DPP10: variants seen among roughly 807,000 people sequenced by gnomAD.
DPP10 encodes dipeptidyl peptidase like 10, also known as inactive dipeptidyl peptidase 10.
In DPP10, 33 loss-of-function variants were observed where a neutral mutation model predicts 120.9. The observed-to-expected ratio is 0.27, with a 90% CI of 0.21 to 0.37. The LOEUF (loss-of-function observed/expected upper bound fraction) is 0.37. Among genes scored for constraint, DPP10 ranks in the 10% least tolerant of loss-of-function variants. The probability of loss-of-function intolerance (pLI) is 1.00; values close to 1 mark genes in which losing one functional copy is unlikely to be tolerated. For missense variants in DPP10, 816 were observed against 942.8 expected (o/e 0.87, Z 1.76); for synonymous variants, 337 against 326.1 (o/e 1.03, Z -0.36).
At chr2:115,639,846 A>T (rs920338924) in intron 5 of DPP10, among the ~76,000 whole-genome samples, 2 of 152,154 alleles carry the variant, frequency 1.3e-5, no homozygotes, top group African/African-American at 4.8e-5. Context: ...AGAGTGACAG[A>T]TTCATGCTAA....
intron 3 of DPP10, among the ~76,000 whole-genome samples, chr2:115,490,908 G>A (rs1048291715): frequency 8.6e-5 from 13 of 152,020 alleles, no homozygotes; most frequent in African/African-American, 2.4e-4. Context: ...ATTTGAGGTC[G>A]GGAGTTTGAG....
intron 5 of DPP10, among the ~76,000 whole-genome samples, chr2:115,624,288 C>A (rs960860879): frequency 6.6e-6 from 1 of 152,060 alleles, no homozygotes; most frequent in Non-Finnish European, 1.5e-5. Context: ...CTAGGAGTAT[C>A]CTTTTATCTT....
At chr2:114,661,362 C>G (rs1258181672) in intron 1 of DPP10, among the ~76,000 whole-genome samples, 1 of 152,178 alleles carries the variant, frequency 6.6e-6, no homozygotes, top group Non-Finnish European at 1.5e-5. Context: ...AGATGTCATA[C>G]TACATGCATG....
chr2:115,783,340 T>A lies in DPP10; in HGVS notation c.1531+941T>A, dbSNP rs183537686. ...TGAGACAGTCTGACTCGAGAATAGG[T>A]TTATAATTCACTACAATATAATAAC... On this transcript the variant is annotated intron_variant, in intron 17 of 25. Coordinates refer to ENST00000410059, the MANE Select transcript of DPP10 (RefSeq NM_020868.6). Among the ~76,000 whole-genome samples, 13 of 151,866 alleles carry A rather than the reference T, an allele frequency of 8.6e-5. No homozygotes were observed. The East Asian group carries it at 2.5e-3, about 29-fold the overall frequency.
intron 3 of DPP10, among the ~76,000 whole-genome samples, chr2:115,351,183 T>C (rs2106303020): frequency 6.6e-6 from 1 of 152,234 alleles, no homozygotes; most frequent in East Asian, 1.9e-4. Flanking sequence ...TGGAATACTG[T>C]GCAGCCATAA....
chr2:115,831,431 G>C (rs1349959198), intron 21 of DPP10, among the ~76,000 whole-genome samples: 2 of 152,024 alleles, frequency 1.3e-5, no homozygotes, highest in East Asian at 3.9e-4. Flanking sequence ...GTAGAGATAG[G>C]GTTTCACCAT....
In DPP10 at chr2:114,961,642, G is replaced by C. The variant is rs548897006; in HGVS notation, c.61-347597G>C. On this transcript the variant is annotated intron_variant, in intron 1 of 25. Transcript: ENST00000410059. Reference sequence around the variant, plus strand: ...TCAGAGAAATCTGAGAAATAACTAAGGGTATGGAATGTATGCTTTATCTTC... The same window carrying C: ...TCAGAGAAATCTGAGAAATAACTAACGGTATGGAATGTATGCTTTATCTTC... Among the ~76,000 whole-genome samples, 3 of 152,270 alleles carry C rather than the reference G, an allele frequency of 2.0e-5. No individual in the cohort carries two copies. The East Asian group carries it at 5.8e-4, about 29-fold the overall frequency.
rs148480291 is a variant in DPP10 at position 114,737,952 on chromosome 2, C to A, written c.60+295114C>A. The stretch of plus-strand genomic sequence containing the variant: ...ATTTGTAAAGAAAAGAGGTTTAATG[C>A]GTTCACGGTTCTGCAGGTTGTAGAG... On this transcript the variant is annotated intron_variant, in intron 1 of 25. Coordinates refer to ENST00000410059, the MANE Select transcript of DPP10 (RefSeq NM_020868.6). Among the ~76,000 whole-genome samples the A allele has an allele frequency of 4.6e-5, 7 of 152,260 alleles. No individual in the cohort carries two copies. The East Asian group carries it at 9.7e-4, about 21-fold the overall frequency.
intron 1 of DPP10, among the ~76,000 whole-genome samples, chr2:114,483,668 T>C (rs1187474230): frequency 6.6e-6 from 1 of 152,198 alleles, no homozygotes; most frequent in African/African-American, 2.4e-5. Context: ...TCACGCTAGC[T>C]GATCCTTGAA....
intron 1 of DPP10, among the ~76,000 whole-genome samples, chr2:115,187,161 T>C (rs7607583): frequency 0.71 from 104,118 of 147,468 alleles, 36,864 homozygotes; most frequent in Admixed American, 0.75. Flanking sequence ...CTCAGCCTCC[T>C]GAGTAGCTGC....
chr2:115,585,020 C>A (rs2082206325), intron 5 of DPP10, among the ~76,000 whole-genome samples: 2 of 152,110 alleles, frequency 1.3e-5, no homozygotes, highest in South Asian at 4.1e-4. Context: ...TCCCATTGGC[C>A]ATAATTATAC....
At chr2:115,394,499 G>C (rs2067540171) in intron 3 of DPP10, among the ~76,000 whole-genome samples, 2 of 150,748 alleles carry the variant, frequency 1.3e-5, no homozygotes. Context: ...AAAAAGAAAG[G>C]GAAAGCATTA....
In DPP10 at chr2:115,734,993, A is replaced by G. The variant is rs569758707; in HGVS notation, c.698-4746A>G. On this transcript the variant is annotated intron_variant, in intron 8 of 25. Coordinates refer to ENST00000410059, the MANE Select transcript of DPP10 (RefSeq NM_020868.6). ...GGGGACACAGCAGTCACCTGAAACT[A>G]GGAGAGAATGCTATACAATTTTTAC... Among the ~76,000 whole-genome samples, 58 of 152,306 alleles carry G rather than the reference A, an allele frequency of 3.8e-4. No individual in the cohort carries two copies. In the South Asian group the frequency reaches 6.2e-3, roughly 16 times the overall value.
intron 3 of DPP10, among the ~76,000 whole-genome samples, chr2:115,414,902 A>G (rs1223239275): frequency 6.6e-6 from 1 of 151,908 alleles, no homozygotes; most frequent in Non-Finnish European, 1.5e-5. Flanking sequence ...GTAAGTAAGC[A>G]CTACTGTTGA....
chr2:115,080,042 A>T (rs907577242), intron 1 of DPP10, among the ~76,000 whole-genome samples: 4 of 151,956 alleles, frequency 2.6e-5, no homozygotes, highest in African/African-American at 4.8e-5. Flanking sequence ...TTTTAGATGG[A>T]GTCTTGCTCT....
intron 1 of DPP10, among the ~76,000 whole-genome samples, chr2:114,806,225 G>A (rs573589776): frequency 4.9e-4 from 74 of 152,274 alleles, no homozygotes; most frequent in Non-Finnish European, 8.5e-4. Context: ...ATTTTTGAAT[G>A]ATGTCGACAT....
intron 1 of DPP10, among the ~76,000 whole-genome samples, chr2:114,962,635 G>A (rs1488926707): frequency 6.6e-6 from 1 of 152,118 alleles, no homozygotes; most frequent in Non-Finnish European, 1.5e-5. Flanking sequence ...GGGTTACGAT[G>A]TCTGCCCTTT....
intron 1 of DPP10, among the ~76,000 whole-genome samples, chr2:115,001,198 C>A (rs1701416888): frequency 1.3e-5 from 2 of 152,166 alleles, no homozygotes; most frequent in African/African-American, 4.8e-5. Context: ...TAACCATTAT[C>A]ACTTAATAAA....
intron 1 of DPP10, among the ~76,000 whole-genome samples, chr2:114,585,279 C>T (rs1373783711): frequency 6.6e-6 from 1 of 152,158 alleles, no homozygotes; most frequent in African/African-American, 2.4e-5. Context: ...TACTGACTCT[C>T]AGCTTCTAGA....
Sources: gnomAD v4.1 joint callset for allele counts (sites outside exome capture counted in the v4.1 genomes callset) on GRCh38, gnomAD v4.1.1 for gene constraint, MANE v1.5 for transcripts, NCBI Gene and HGNC (gene_info 2026-07-23, HGNC 2026-07-21) for gene names.